MAOB: variants seen among roughly 807,000 people sequenced by gnomAD.
MAOB encodes amine oxidase [flavin-containing] B.
Under a neutral mutation model 41.9 loss-of-function variants are expected in MAOB, and 15 were observed. That is an observed-to-expected ratio of 0.36 (90% CI 0.24 to 0.55). The LOEUF (loss-of-function observed/expected upper bound fraction) is 0.55, where lower values mean the gene tolerates loss of function less well. Among genes scored for constraint, MAOB ranks in the 20% least tolerant of loss-of-function variants. MAOB has a pLI of 0.86. For synonymous variants in MAOB, 167 were observed against 144.2 expected (o/e 1.16, Z -1.13); for missense variants, 345 against 398.7 (o/e 0.87, Z 1.15).
intron 1 of MAOB, among the ~76,000 whole-genome samples, chrX:43,866,116 C>T (rs1254739090): frequency 9.0e-6 from 1 of 110,511 alleles, no homozygotes; most frequent in Non-Finnish European, 1.9e-5. Context: ...AGACTTTATC[C>T]TGGGGGTAAT....
intron 11 of MAOB, among the ~76,000 whole-genome samples, chrX:43,778,199 C>G (rs1214115707): frequency 9.0e-6 from 1 of 111,040 alleles, no homozygotes. Context: ...GACAGGTAAT[C>G]TTATTTTTTT....
At chrX:43,774,202 A>C (rs763796571) in intron 12 of MAOB, among the ~76,000 whole-genome samples, 11 of 111,937 alleles carry the variant, frequency 9.8e-5, no homozygotes, top group Non-Finnish European at 1.9e-4. Context: ...TCCTGTTTAG[A>C]TTAAGCTTTT....
chrX:43,825,713 A>T (rs1054522261), intron 3 of MAOB, among the ~76,000 whole-genome samples: 16 of 112,534 alleles, frequency 1.4e-4, no homozygotes, highest in Non-Finnish European at 2.6e-4. Flanking sequence ...TTGACAGGGG[A>T]AAAGCAATAA....
intron 7 of MAOB, among the ~76,000 whole-genome samples, chrX:43,795,507 C>T (rs1219367053): frequency 9.0e-6 from 1 of 111,019 alleles, no homozygotes; most frequent in Non-Finnish European, 1.9e-5. Context: ...CAACCTTCAG[C>T]CCCTTGCCCC....
intron 1 of MAOB, among the ~76,000 whole-genome samples, chrX:43,869,017 G>C (rs1314278044): frequency 1.8e-5 from 2 of 111,255 alleles, no homozygotes; most frequent in Non-Finnish European, 3.8e-5. Flanking sequence ...CAAAGATTTC[G>C]GGTAGATAGT....
At chrX:43,814,894 A>G (rs2034790252) in intron 3 of MAOB, among the ~76,000 whole-genome samples, 1 of 112,179 alleles carries the variant, frequency 8.9e-6, no homozygotes, top group Non-Finnish European at 1.9e-5. Context: ...GTGTTTAAGA[A>G]GCTGAAAATT....
At position 43,861,064 on chromosome X, in the gene MAOB, T is replaced by A. The variant is rs753536315; in HGVS notation, c.47-17300A>T. Among the ~76,000 whole-genome samples the A allele has an allele frequency of 4.4e-5, 5 of 112,492 alleles. No individual in the cohort carries two copies. In the South Asian group the frequency reaches 1.5e-3, roughly 33 times the overall value. On this transcript the variant is annotated intron_variant, in intron 1 of 14. Coordinates refer to ENST00000378069, the MANE Select transcript of MAOB (RefSeq NM_000898.5). ...TACTTTGTAGGTAGCTAAGTATTTA[T>A]TTTGTTGGTCCATTTGGTAATTTAT...
intron 1 of MAOB, among the ~76,000 whole-genome samples, chrX:43,865,785 CT>C (rs1167310007): frequency 0.059 from 5,505 of 94,080 alleles, 163 homozygotes; most frequent in Middle Eastern, 0.092. Flanking sequence ...TGCCCAAAAG[CT>C]TTTTTTTTTT....
chrX:43,873,801 C>T (rs1158240544), intron 1 of MAOB, among the ~76,000 whole-genome samples: 5 of 111,278 alleles, frequency 4.5e-5, no homozygotes, highest in Admixed American at 9.5e-5. Flanking sequence ...CTCAGCCTCC[C>T]GAGTAGCTGG....
intron 9 of MAOB, 138 bp from the exon 10 acceptor site, chrX:43,780,533 G>T (rs779215790): frequency 1.0e-5 from 4 of 398,649 alleles, no homozygotes; most frequent in Middle Eastern, 6.9e-4. Flanking sequence ...CTTTTCTTAC[G>T]TTCAAAGTTT....
At chrX:43,843,515 G>A (rs2035165482) in intron 2 of MAOB, among the ~76,000 whole-genome samples, 155 bp downstream of exon 2, 1 of 110,662 alleles carries the variant, frequency 9.0e-6, no homozygotes, top group South Asian at 3.9e-4. Flanking sequence ...TTGAAAGGAA[G>A]GCAAACTGGG....
chrX:43,879,288 A>G (rs776752930), intron 1 of MAOB, among the ~76,000 whole-genome samples: 1 of 112,684 alleles, frequency 8.9e-6, no homozygotes, highest in African/African-American at 3.2e-5. Context: ...CTATCCTCCC[A>G]GTATGTCTCT....
chrX:43,810,218 G>A (rs1207948513), intron 3 of MAOB, among the ~76,000 whole-genome samples: 5 of 78,191 alleles, frequency 6.4e-5, no homozygotes, highest in Non-Finnish European at 1.1e-4. Flanking sequence ...ACTCCAGCCT[G>A]GGCGACAGAG....
chrX:43,818,054 C>T (rs2034839956), intron 3 of MAOB, among the ~76,000 whole-genome samples: 1 of 111,841 alleles, frequency 8.9e-6, no homozygotes, highest in Non-Finnish European at 1.9e-5. Flanking sequence ...TCATTTGAAA[C>T]CATGTTTAGT....
chrX:43,873,552 T>C (rs192625610), intron 1 of MAOB, among the ~76,000 whole-genome samples: 2 of 111,586 alleles, frequency 1.8e-5, no homozygotes, highest in Non-Finnish European at 3.8e-5. Flanking sequence ...ACATTTAAGA[T>C]GCCATTAAAT....
At chrX:43,775,478 G>A (rs1476049124) in intron 11 of MAOB, among the ~76,000 whole-genome samples, 2 of 111,693 alleles carry the variant, frequency 1.8e-5, no homozygotes, top group Non-Finnish European at 3.8e-5. Flanking sequence ...ATCTTAGAAT[G>A]TTTTTTTCAT....
chrX:43,798,466 T>C (rs1416512196), intron 5 of MAOB, among the ~76,000 whole-genome samples: 9 of 112,328 alleles, frequency 8.0e-5, no homozygotes, highest in South Asian at 3.6e-4. Context: ...GCTCAAATAA[T>C]GGATGAGGGG....
intron 3 of MAOB, among the ~76,000 whole-genome samples, chrX:43,808,712 AC>A: frequency 1.8e-5 from 2 of 109,220 alleles, no homozygotes; most frequent in Non-Finnish European, 3.8e-5. Flanking sequence ...ACACACACAC[AC>A]ACACACACAC....
chrX:43,795,365 G>A (rs950082293), intron 7 of MAOB, among the ~76,000 whole-genome samples: 1 of 112,107 alleles, frequency 8.9e-6, no homozygotes, highest in African/African-American at 3.2e-5. Flanking sequence ...CCCTCCCCAG[G>A]CATGCCATTC....
Sources: gnomAD v4.1 joint callset for allele counts (sites outside exome capture counted in the v4.1 genomes callset) on GRCh38, gnomAD v4.1.1 for gene constraint, MANE v1.5 for transcripts, NCBI Gene and HGNC (gene_info 2026-07-23, HGNC 2026-07-21) for gene names.